Variants in ARHGAP15 observed in about 807,000 individuals in gnomAD.
ARHGAP15 encodes rho GTPase-activating protein 15.
A neutral mutation model predicts 63.7 loss-of-function variants in ARHGAP15; 51 were observed. The ratio of observed to expected loss-of-function variants is 0.80; its 90% CI spans 0.64 to 1.01. The LOEUF is 1.01. Among genes scored for constraint, ARHGAP15 ranks in the 50% least tolerant of loss-of-function variants. The probability of loss-of-function intolerance (pLI) is 0.00; values close to 1 mark genes in which losing one functional copy is unlikely to be tolerated. For missense variants in ARHGAP15, 560 were observed against 564.6 expected (o/e 0.99, Z 0.08); for synonymous variants, 191 against 193.8 (o/e 0.99, Z 0.12).
Position 143,154,614 on chromosome 2 carries a change from C to A in ARHGAP15, c.-14-863C>A, listed in dbSNP as rs190642670. Reference sequence around the variant, plus strand: ...TGAGAAGATGTGTTTGTATTGCAACCATTCTGTTTGTAATGAGGTGCTGTG... The same window carrying A: ...TGAGAAGATGTGTTTGTATTGCAACAATTCTGTTTGTAATGAGGTGCTGTG... On this transcript the variant is annotated intron_variant, in intron 1 of 13. Coordinates refer to ENST00000295095, the MANE Select transcript of ARHGAP15 (RefSeq NM_018460.4). Among the ~76,000 whole-genome samples, 10 of 151,956 alleles carry A rather than the reference C, an allele frequency of 6.6e-5. No homozygotes were observed. The East Asian group carries it at 1.4e-3, about 21-fold the overall frequency.
At chr2:143,645,703 G>A (rs1382710638) in intron 12 of ARHGAP15, among the ~76,000 whole-genome samples, 1 of 152,026 alleles carries the variant, frequency 6.6e-6, no homozygotes, top group East Asian at 1.9e-4. Context: ...ACTCTTGTCT[G>A]AGTAAGTCAA....
chr2:143,512,725 AT>A (rs1693643417), intron 9 of ARHGAP15, among the ~76,000 whole-genome samples: 1 of 152,264 alleles, frequency 6.6e-6, no homozygotes, highest in African/African-American at 2.4e-5. Flanking sequence ...TATGGAGCTC[AT>A]GACATGGGTA....
rs557430132 is a variant in ARHGAP15 at position 143,711,022 on chromosome 2, C to T, written c.1244+7498C>T. 4.6e-5 allele frequency among the ~76,000 whole-genome samples: 7 copies of T among 152,206 alleles called. No individual in the cohort carries two copies. In the South Asian group the frequency reaches 1.5e-3, roughly 32 times the overall value. On this transcript the variant is annotated intron_variant, in intron 13 of 13. Transcript: ENST00000295095. Reference sequence around the variant, plus strand: ...AAATCAGGGGTTGGAAAAGTGTGGCCCACAGGCCACACTCAGCCTGCCTCC... The same window carrying T: ...AAATCAGGGGTTGGAAAAGTGTGGCTCACAGGCCACACTCAGCCTGCCTCC...
Position 143,452,239 on chromosome 2 carries a change from A to G in ARHGAP15, c.703+15197A>G, listed in dbSNP as rs73964514. 5.2e-3 allele frequency among the ~76,000 whole-genome samples: 790 copies of G among 152,140 alleles called. 2 individuals carry two copies. Among genetic ancestry groups the G allele is most frequent in the African/African-American group, 0.018 (730 of 41,554 alleles). ...GGAATGCGGAAGAAATAGCCATTTT[A>G]TAAGTTGTAAACTCCTAAATTACCC... On this transcript the variant is annotated intron_variant, in intron 8 of 13. Coordinates refer to ENST00000295095, the MANE Select transcript of ARHGAP15 (RefSeq NM_018460.4).
chr2:143,526,107 G>A (rs778327908), intron 10 of ARHGAP15, among the ~76,000 whole-genome samples: 2 of 151,402 alleles, frequency 1.3e-5, no homozygotes, highest in Admixed American at 1.3e-4. Flanking sequence ...CTCTGTATAC[G>A]GAGCTGGTTA....
chr2:143,724,699 C>A (rs140253211), intron 13 of ARHGAP15, among the ~76,000 whole-genome samples: 1 of 152,006 alleles, frequency 6.6e-6, no homozygotes, highest in African/African-American at 2.4e-5. Flanking sequence ...CATGAAAGTG[C>A]GTGCATTTAC....
In ARHGAP15 at chr2:143,256,847, T is replaced by C. The variant is rs188125735; in HGVS notation, c.474+6247T>C. Among the ~76,000 whole-genome samples the C allele has an allele frequency of 5.0e-3, 749 of 150,608 alleles. 3 individuals carry two copies. Among genetic ancestry groups the C allele is most frequent in the African/African-American group, 0.017 (695 of 40,102 alleles). Reference sequence around the variant, plus strand: ...AATGATAGAATCTGGGGACAGGAAATAAAATTGATTGTAAGAATCTAGATG... The same window carrying C: ...AATGATAGAATCTGGGGACAGGAAACAAAATTGATTGTAAGAATCTAGATG... On this transcript the variant is annotated intron_variant, in intron 6 of 13. Coordinates refer to ENST00000295095, the MANE Select transcript of ARHGAP15 (RefSeq NM_018460.4).
intron 9 of ARHGAP15, among the ~76,000 whole-genome samples, chr2:143,496,507 A>T (rs1692822638): frequency 1.3e-5 from 2 of 152,196 alleles, no homozygotes; most frequent in African/African-American, 2.4e-5. Flanking sequence ...TTTTATACAG[A>T]TGTTAGTGAG....
intron 11 of ARHGAP15, among the ~76,000 whole-genome samples, chr2:143,599,501 C>G (rs2105188693): frequency 6.6e-6 from 1 of 151,606 alleles, no homozygotes; most frequent in African/African-American, 2.4e-5. Flanking sequence ...AGTTCGAGAC[C>G]AGCCTGAGTA....
At chr2:143,313,254 C>T (rs185965231) in intron 6 of ARHGAP15, among the ~76,000 whole-genome samples, 226 of 152,202 alleles carry the variant, frequency 1.5e-3, no homozygotes, top group Non-Finnish European at 2.5e-3. Flanking sequence ...TGAAGTATGA[C>T]GGACTTACAT....
intron 6 of ARHGAP15, among the ~76,000 whole-genome samples, chr2:143,330,975 C>A (rs1209930161): frequency 6.6e-6 from 1 of 152,172 alleles, no homozygotes; most frequent in African/African-American, 2.4e-5. Flanking sequence ...GAGTTGTAAG[C>A]TGATGGTCCT....
chr2:143,725,741 T>C (rs1371682088), intron 13 of ARHGAP15, among the ~76,000 whole-genome samples: 4 of 152,196 alleles, frequency 2.6e-5, no homozygotes, highest in Non-Finnish European at 1.5e-5. Context: ...ATAATTAATA[T>C]AACAAAACAA....
At chr2:143,219,221 C>A (rs762512146) in intron 4 of ARHGAP15, among the ~76,000 whole-genome samples, 1 of 152,178 alleles carries the variant, frequency 6.6e-6, no homozygotes, top group Non-Finnish European at 1.5e-5. Flanking sequence ...CAAATACTTA[C>A]CACTGTGTTA....
At chr2:143,387,814 A>T (rs1687356968) in intron 6 of ARHGAP15, among the ~76,000 whole-genome samples, 1 of 151,922 alleles carries the variant, frequency 6.6e-6, no homozygotes, top group African/African-American at 2.4e-5. Flanking sequence ...AAGGTGAAAG[A>T]ATACACATAC....
chr2:143,728,897 A>G (rs1685407538), intron 13 of ARHGAP15, among the ~76,000 whole-genome samples: 1 of 152,200 alleles, frequency 6.6e-6, no homozygotes, highest in African/African-American at 2.4e-5. Flanking sequence ...TGCTTGAAAA[A>G]TCATTATTAT....
chr2:143,738,284 A>C (rs1370662820), intron 13 of ARHGAP15, among the ~76,000 whole-genome samples: 1 of 152,174 alleles, frequency 6.6e-6, no homozygotes, highest in African/African-American at 2.4e-5. Context: ...GTAGCAAATA[A>C]GCTATCATAT....
At chr2:143,172,167 G>C (rs1416625893) in intron 2 of ARHGAP15, 1 of 152,090 alleles carries the variant, frequency 6.6e-6, no homozygotes, top group African/African-American at 2.4e-5. Flanking sequence ...TTGTTCAAAA[G>C]GGTATCAAAT....
chr2:143,490,821 T>C (rs1454043808), intron 9 of ARHGAP15, among the ~76,000 whole-genome samples: 2 of 151,964 alleles, frequency 1.3e-5, no homozygotes, highest in Non-Finnish European at 2.9e-5. Context: ...AGAGATGGGG[T>C]TTTGCCATGT....
rs1558779473 is a variant in ARHGAP15, at chr2:143,153,833, CTTCTTCT to C, written c.-14-1642_-14-1636del. Among the ~76,000 whole-genome samples, 640 of 90,678 alleles carry C rather than the reference CTTCTTCT, an allele frequency of 7.1e-3. 37 individuals carry two copies. Among genetic ancestry groups the C allele is most frequent in the Non-Finnish European group, 8.8e-3 (396 of 44,746 alleles). 59.5% of individuals were successfully genotyped at this position (90,678 alleles called of 152,430 possible). A position where few individuals can be genotyped will look rare whatever the true frequency, so the allele number is the denominator to read the frequency against. On this transcript the variant is annotated intron_variant, in intron 1 of 13. Transcript: ENST00000295095. Reference sequence around the variant, plus strand: ...TCTTCTTCTTCTTCTTCTTCTTCTTCTTCTTCTTCTTCCTCCTCCTCCTCCTCCTCCT... The same window carrying C: ...TCTTCTTCTTCTTCTTCTTCTTCTTCTCTTCCTCCTCCTCCTCCTCCTCCT...
Sources: allele counts gnomAD v4.1 joint callset (sites outside exome capture counted in the v4.1 genomes callset), GRCh38; gene constraint gnomAD v4.1.1; transcripts MANE v1.5; gene names NCBI Gene and HGNC (gene_info 2026-07-23, HGNC 2026-07-21).